The following ANKRD17 variants were observed in gnomAD, a reference collection of about 807,000 sequenced individuals.
ANKRD17 encodes ankyrin repeat domain 17.
In ANKRD17, 19 loss-of-function variants were observed where a neutral mutation model predicts 229.7. That is an observed-to-expected ratio of 0.08 (90% CI 0.06 to 0.12). The LOEUF is 0.12. Ranked by LOEUF, ANKRD17 falls within the 10% of genes least tolerant of loss-of-function variation. The pLI is 1.00. For synonymous variants in ANKRD17, 1,112 were observed against 1,146.1 expected, an observed-to-expected ratio of 0.97 and a Z score of 0.60; for missense variants, 2,176 against 3,176.8, an observed-to-expected ratio of 0.68 and a Z score of 7.57.
At chr4:73,103,301 A>G (rs550808073) in intron 24 of ANKRD17, among the ~76,000 whole-genome samples, 2 of 152,110 alleles carry the variant, frequency 1.3e-5, no homozygotes, top group African/African-American at 4.8e-5. Flanking sequence ...AGAAAAAAAA[A>G]CCATAAAAGT....
At chr4:73,109,341 T>C (rs974156861) in intron 24 of ANKRD17, among the ~76,000 whole-genome samples, 1 of 151,470 alleles carries the variant, frequency 6.6e-6, no homozygotes, top group African/African-American at 2.4e-5. Flanking sequence ...GTAGGAAGTA[T>C]ATGGGTGTAG....
chr4:73,146,651 T>TAA lies in ANKRD17; in HGVS notation c.1869+111_1869+112dup, dbSNP rs558348274. On this transcript the variant is annotated intron_variant, in intron 10 of 33. Transcript: ENST00000358602. ...AGAAAGAATGGCAAAAAAATAAAAA[T>TAA]AAAAAAAACAATAAAACTGAAGGTA... The TAA allele has an allele frequency of 2.2e-5, 18 of 807,024 alleles. No individual in the cohort carries two copies. The African/African-American group carries it at 2.8e-4, about 13-fold the overall frequency. 50.0% of individuals were successfully genotyped at this position (807,024 alleles called of 1,614,324 possible).
chr4:73,151,933 G>A (rs1353589292), intron 6 of ANKRD17, among the ~76,000 whole-genome samples: 1 of 152,094 alleles, frequency 6.6e-6, no homozygotes, highest in Non-Finnish European at 1.5e-5. Flanking sequence ...TGTATTTAAA[G>A]TTCCAATACC....
At chr4:73,180,815 C>T (rs756047551) in intron 1 of ANKRD17, among the ~76,000 whole-genome samples, 44 of 152,250 alleles carry the variant, frequency 2.9e-4, no homozygotes, top group Admixed American at 1.2e-3. Flanking sequence ...CCTATGTGAC[C>T]TAACCAAGTC....
At chr4:73,090,575 T>G in intron 29 of ANKRD17, 92 bp downstream of exon 29, 1 of 1,494,614 alleles carries the variant, frequency 6.7e-7, no homozygotes, top group Non-Finnish European at 9.2e-7. Context: ...GTCTATATCG[T>G]CCAGAGAATA....
At chr4:73,156,321 G>C (rs958004330) in intron 3 of ANKRD17, among the ~76,000 whole-genome samples, 155 bp from the exon 4 acceptor site, 1 of 152,164 alleles carries the variant, frequency 6.6e-6, no homozygotes, top group African/African-American at 2.4e-5. Flanking sequence ...TCAGCTCACT[G>C]CAGCCTTAAA....
chr4:73,225,313 A>C (rs2149221785), intron 1 of ANKRD17, among the ~76,000 whole-genome samples: 1 of 152,240 alleles, frequency 6.6e-6, no homozygotes, highest in Middle Eastern at 3.4e-3. Context: ...CTTTTCCATA[A>C]ACCAAGAATA....
intron 1 of ANKRD17, among the ~76,000 whole-genome samples, chr4:73,178,266 G>GA (rs1222827405): frequency 1.3e-5 from 2 of 152,020 alleles, no homozygotes; most frequent in Non-Finnish European, 2.9e-5. Context: ...TTTCATGGGG[G>GA]AAAAAAGGCT....
chr4:73,143,434 T>A (rs1410736646), intron 11 of ANKRD17, among the ~76,000 whole-genome samples: 2 of 152,164 alleles, frequency 1.3e-5, no homozygotes, highest in Non-Finnish European at 2.9e-5. Context: ...CTGACCTCTA[T>A]CCCTAATTTG....
intron 1 of ANKRD17, among the ~76,000 whole-genome samples, chr4:73,255,432 T>A (rs1264446615): frequency 1.3e-5 from 2 of 152,230 alleles, no homozygotes; most frequent in African/African-American, 4.8e-5. Flanking sequence ...ACTGGAAGGA[T>A]AATTTTAAAG....
chr4:73,092,471 T>C (rs1400112605), intron 28 of ANKRD17, among the ~76,000 whole-genome samples, 171 bp from the exon 29 acceptor site: 1 of 152,198 alleles, frequency 6.6e-6, no homozygotes, highest in Non-Finnish European at 1.5e-5. Flanking sequence ...TTTCTTACCA[T>C]TCCTGAGGTA....
chr4:73,225,624 C>A (rs1358522113), intron 1 of ANKRD17, among the ~76,000 whole-genome samples: 1 of 151,576 alleles, frequency 6.6e-6, no homozygotes, highest in Non-Finnish European at 1.5e-5. Context: ...TCTGGGAGGC[C>A]CAGGCGGGCA....
At chr4:73,202,135 C>T (rs1050837461) in intron 1 of ANKRD17, among the ~76,000 whole-genome samples, 5 of 151,926 alleles carry the variant, frequency 3.3e-5, no homozygotes, top group South Asian at 2.1e-4. Context: ...AAATACAGTA[C>T]GATGTGGCTT....
intron 1 of ANKRD17, chr4:73,223,166 G>T: frequency 1.2e-6 from 1 of 816,706 alleles, no homozygotes; most frequent in South Asian, 1.9e-5. Context: ...CACTAGCCAG[G>T]CATCTACCAA....
chr4:73,229,637 G>A (rs1434770685), intron 1 of ANKRD17, among the ~76,000 whole-genome samples: 30 of 150,156 alleles, frequency 2.0e-4, no homozygotes, highest in African/African-American at 5.9e-4. Flanking sequence ...ACAATGCAGA[G>A]TCTATATATA....
chr4:73,169,516 G>A (rs191316574), intron 2 of ANKRD17, among the ~76,000 whole-genome samples: 1 of 152,146 alleles, frequency 6.6e-6, no homozygotes, highest in East Asian at 1.9e-4. Context: ...GATAGATGGA[G>A]TAAGATGGCT....
intron 3 of ANKRD17, among the ~76,000 whole-genome samples, chr4:73,157,315 G>GA (rs1731794568): frequency 6.6e-6 from 1 of 152,044 alleles, no homozygotes; most frequent in African/African-American, 2.4e-5. Flanking sequence ...TTTTGGTTTT[G>GA]AAAGTATTTA....
chr4:73,078,499 T>C (rs1721235395), intron 31 of ANKRD17, 143 bp downstream of exon 31: 3 of 977,580 alleles, frequency 3.1e-6, no homozygotes, highest in South Asian at 1.8e-5. Context: ...GATCACCCCA[T>C]TGCACTCCAG....
intron 30 of ANKRD17, among the ~76,000 whole-genome samples, chr4:73,084,692 A>G (rs749568573): frequency 1.3e-5 from 2 of 151,904 alleles, no homozygotes; most frequent in Non-Finnish European, 2.9e-5. Context: ...CAGGTGATCC[A>G]CCCGCCTTGG....
Sources: allele counts gnomAD v4.1 joint callset (sites outside exome capture counted in the v4.1 genomes callset), GRCh38; gene constraint gnomAD v4.1.1; transcripts MANE v1.5; gene names NCBI Gene and HGNC (gene_info 2026-07-23, HGNC 2026-07-21).